The following ABCA5 variants were observed in gnomAD, a reference collection of about 807,000 sequenced individuals.
ABCA5 encodes the protein cholesterol transporter ABCA5.
A neutral mutation model predicts 206.0 loss-of-function variants in ABCA5; 163 were observed. The observed-to-expected ratio is 0.79, with a 90% CI of 0.70 to 0.90. The LOEUF is 0.90. Ranked by LOEUF, ABCA5 falls within the 40% of genes least tolerant of loss-of-function variation. The pLI, the probability that ABCA5 is intolerant of heterozygous loss-of-function variation, is 0.00. For missense variants in ABCA5, 1,859 were observed against 1,912.9 expected, an observed-to-expected ratio of 0.97 and a Z score of 0.53; for synonymous variants, 609 against 613.8, an observed-to-expected ratio of 0.99 and a Z score of 0.11.
At chr17:69,291,375 G>T in intron 11 of ABCA5, 49 bp from the exon 12 acceptor site, 1 of 1,152,624 alleles carries the variant, frequency 8.7e-7, no homozygotes, top group Non-Finnish European at 1.3e-6. Flanking sequence ...TGTCTGTTCA[G>T]CTATGCATGA....
chr17:69,264,674 T>C (rs571767634), intron 24 of ABCA5, 61 bp downstream of exon 24: 3 of 1,204,556 alleles, frequency 2.5e-6, no homozygotes, highest in Non-Finnish European at 2.2e-6. Context: ...GTCATGTTTA[T>C]AACAGATTTT....
At chr17:69,252,539 T>C (rs563814100) in intron 34 of ABCA5, among the ~76,000 whole-genome samples, 1 of 152,126 alleles carries the variant, frequency 6.6e-6, no homozygotes, top group African/African-American at 2.4e-5. Context: ...AGTTGAGGCT[T>C]AAAGAGTTGT....
intron 18 of ABCA5, among the ~76,000 whole-genome samples, chr17:69,279,834 A>G (rs1463783491): frequency 1.3e-5 from 2 of 152,260 alleles, no homozygotes; most frequent in Non-Finnish European, 2.9e-5. Flanking sequence ...AGCCATATGT[A>G]GAAAGCTGAA....
chr17:69,263,462 C>A (rs1430981572), intron 24 of ABCA5, among the ~76,000 whole-genome samples: 3 of 152,000 alleles, frequency 2.0e-5, no homozygotes, highest in Admixed American at 6.6e-5. Flanking sequence ...GCCAGCTATC[C>A]CAGCACCATT....
chr17:69,284,151 G>T, intron 17 of ABCA5, 79 bp from the exon 18 acceptor site: 1 of 1,228,278 alleles, frequency 8.1e-7, no homozygotes, highest in Non-Finnish European at 1.1e-6. Flanking sequence ...TTAAAAATAA[G>T]TTCATGAACA....
Position 69,251,811 on chromosome 17 carries a change from G to T in ABCA5, c.4471C>A (p.His1491Asn). 6.2e-7 allele frequency: 1 copy of T among 1,613,948 alleles called. No homozygotes were observed. The highest frequency in any genetic ancestry group is 8.5e-7 in the Non-Finnish European group (1 of 1,179,964). The part of the protein sequence containing the change: ...NRKRAAILTT[H>N]YMEEAEAVCD... ...ACAGCCTCTGCCTCCTCCATATAGTGAGTGGTCAGAATAGCAGCCCGCTTT... is the reference window on the plus strand; with the variant it reads ...ACAGCCTCTGCCTCCTCCATATAGTTAGTGGTCAGAATAGCAGCCCGCTTT... Residue 1491 changes from histidine (H) to asparagine (N), a missense_variant, in exon 35 of 39, where the codon CAC (histidine) becomes AAC (asparagine). Transcript: ENST00000392676.
At chr17:69,262,513 C>T (rs1269162025) in intron 24 of ABCA5, among the ~76,000 whole-genome samples, 2 of 152,170 alleles carry the variant, frequency 1.3e-5, no homozygotes, top group African/African-American at 4.8e-5. Context: ...TGTTAATTCA[C>T]TTAGAATAAT....
intron 26 of ABCA5, among the ~76,000 whole-genome samples, 193 bp downstream of exon 26, chr17:69,260,932 T>G (rs774188878): frequency 2.0e-5 from 3 of 151,988 alleles, no homozygotes; most frequent in Non-Finnish European, 4.4e-5. Context: ...GTAATGAACA[T>G]AGCCCTTTTC....
At chr17:69,277,466 G>A (rs1246688725) in intron 19 of ABCA5, among the ~76,000 whole-genome samples, 175 bp downstream of exon 19, 1 of 152,090 alleles carries the variant, frequency 6.6e-6, no homozygotes, top group Admixed American at 6.5e-5. Context: ...GTAAGACAGG[G>A]TATTCGATGA....
chr17:69,308,721 A>T (rs1355535663), intron 4 of ABCA5, among the ~76,000 whole-genome samples: 1 of 152,208 alleles, frequency 6.6e-6, no homozygotes, highest in Non-Finnish European at 1.5e-5. Flanking sequence ...GAAAAGTCAA[A>T]GTTAAGCAAA....
At chr17:69,271,519 T>C (rs2075273940) in intron 20 of ABCA5, among the ~76,000 whole-genome samples, 1 of 152,170 alleles carries the variant, frequency 6.6e-6, no homozygotes, top group Admixed American at 6.5e-5. Context: ...AGTTCCCTCT[T>C]TTGTAAAGTG....
At chr17:69,288,859 G>A (rs1387380129) in intron 14 of ABCA5, among the ~76,000 whole-genome samples, 1 of 151,918 alleles carries the variant, frequency 6.6e-6, no homozygotes, top group Admixed American at 6.6e-5. Flanking sequence ...AAGGGGGTGA[G>A]GAATAAAAAA....
chr17:69,324,442 C>T (rs942535256), intron 1 of ABCA5, among the ~76,000 whole-genome samples: 2 of 152,180 alleles, frequency 1.3e-5, no homozygotes, highest in African/African-American at 2.4e-5. Context: ...CTAGATAACA[C>T]GGTAAAGGCA....
chr17:69,249,018 T>C (rs1468186348), intron 37 of ABCA5: 1 of 152,226 alleles, frequency 6.6e-6, no homozygotes, highest in Non-Finnish European at 1.5e-5. Context: ...TGAACCACCA[T>C]GCCGGCCAAT....
At position 69,250,500 on chromosome 17, in the gene ABCA5, T is replaced by C; in HGVS notation, c.4657A>G (p.Ile1553Val). 1.2e-6 allele frequency: 2 copies of C among 1,607,386 alleles called. No individual in the cohort carries two copies. The highest frequency in any genetic ancestry group is 2.2e-5 in the South Asian group (2 of 89,592). The part of the protein sequence containing the change: ...VDRLQREIQY[I>V]FPNASRQESF... Reference sequence around the variant, plus strand: ...TCCTGACGGCTTGCATTTGGGAAAATATACTGAATTTCTCTTTGAAGGCGG... The same window carrying C: ...TCCTGACGGCTTGCATTTGGGAAAACATACTGAATTTCTCTTTGAAGGCGG... The change falls in exon 36 of 39, where the codon ATT (isoleucine) becomes GTT (valine). Residue 1553 changes from isoleucine (I) to valine (V), a missense_variant. Coordinates refer to ENST00000392676, the MANE Select transcript of ABCA5 (RefSeq NM_172232.4).
intron 23 of ABCA5, among the ~76,000 whole-genome samples, chr17:69,265,627 G>A (rs1167630756): frequency 2.0e-5 from 3 of 151,900 alleles, no homozygotes; most frequent in Non-Finnish European, 4.4e-5. Flanking sequence ...GGTATTATAT[G>A]AAAGAGCTGT....
chr17:69,258,916 A>G (rs1483723818), intron 28 of ABCA5, among the ~76,000 whole-genome samples: 1 of 152,140 alleles, frequency 6.6e-6, no homozygotes, highest in Non-Finnish European at 1.5e-5. Flanking sequence ...CAAATTAGCT[A>G]ATATATTTGG....
chr17:69,322,501 GAATTT>G (rs1027414501), intron 1 of ABCA5, among the ~76,000 whole-genome samples: 7 of 151,594 alleles, frequency 4.6e-5, no homozygotes, highest in Admixed American at 2.0e-4. Context: ...TAGGATGCAT[GAATTT>G]AATTAATTAA....
At chr17:69,273,019 A>G (rs1392666291) in intron 20 of ABCA5, among the ~76,000 whole-genome samples, 1 of 152,212 alleles carries the variant, frequency 6.6e-6, no homozygotes, top group Non-Finnish European at 1.5e-5. Flanking sequence ...ACATATGAAT[A>G]AAGTTTGTAT....
Sources: allele counts gnomAD v4.1 joint callset (sites outside exome capture counted in the v4.1 genomes callset), GRCh38; gene constraint gnomAD v4.1.1; transcripts MANE v1.5; gene names NCBI Gene and HGNC (gene_info 2026-07-23, HGNC 2026-07-21).